Variants in KIAA1671 observed in about 807,000 individuals in gnomAD.
KIAA1671 encodes the protein uncharacterized protein KIAA1671.
A neutral mutation model predicts 131.2 loss-of-function variants in KIAA1671; 52 were observed. The observed-to-expected ratio is 0.40, with a 90% CI of 0.32 to 0.50. The LOEUF is 0.50. Among genes scored for constraint, KIAA1671 ranks in the 20% least tolerant of loss-of-function variants. The pLI, the probability that KIAA1671 is intolerant of heterozygous loss-of-function variation, is 0.73. For synonymous variants in KIAA1671, 1,003 were observed against 961.6 expected, an observed-to-expected ratio of 1.04 and a Z score of -0.80; for missense variants, 2,360 against 2,364.2, an observed-to-expected ratio of 1.00 and a Z score of 0.04.
intron 1 of KIAA1671, among the ~76,000 whole-genome samples, chr22:24,968,110 G>A (rs759869199): frequency 1.2e-4 from 18 of 152,196 alleles, no homozygotes; most frequent in Non-Finnish European, 2.5e-4. Context: ...GAAAGGCAGT[G>A]GTAATGCTTC....
chr22:25,153,266 G>T (rs1933109541), intron 6 of KIAA1671, among the ~76,000 whole-genome samples: 1 of 152,180 alleles, frequency 6.6e-6, no homozygotes, highest in Non-Finnish European at 1.5e-5. Flanking sequence ...CACTCCTGTT[G>T]AGACTGCACC....
intron 6 of KIAA1671, among the ~76,000 whole-genome samples, chr22:25,156,709 G>T (rs773437353): frequency 7.9e-5 from 12 of 152,134 alleles, no homozygotes; most frequent in African/African-American, 2.9e-4. Context: ...ACATGTATGT[G>T]TGGATCTGTG....
chr22:25,168,554 ATGG>A (rs1236431968), intron 6 of KIAA1671, among the ~76,000 whole-genome samples: 2 of 152,106 alleles, frequency 1.3e-5, no homozygotes, highest in Non-Finnish European at 2.9e-5. Flanking sequence ...TTAGCCAGGC[ATGG>A]TGGTGTGTGC....
chr22:25,021,112 G>A (rs1340584363), intron 1 of KIAA1671, among the ~76,000 whole-genome samples: 1 of 152,156 alleles, frequency 6.6e-6, no homozygotes, highest in Non-Finnish European at 1.5e-5. Context: ...TCATACAGGC[G>A]GGAGGGCTGT....
chr22:24,978,831 G>A (rs1923056676), intron 1 of KIAA1671, among the ~76,000 whole-genome samples: 1 of 151,346 alleles, frequency 6.6e-6, no homozygotes, highest in Admixed American at 6.6e-5. Context: ...CTACAGGCAT[G>A]CACCACCATG....
At chr22:25,104,955 AG>A (rs1354117602) in intron 6 of KIAA1671, among the ~76,000 whole-genome samples, 56 of 152,276 alleles carry the variant, frequency 3.7e-4, no homozygotes, top group Non-Finnish European at 1.6e-4. Flanking sequence ...GTAACTGTCC[AG>A]GGAATGTTTG....
chr22:25,151,903 T>C (rs1483244307), intron 6 of KIAA1671, among the ~76,000 whole-genome samples: 1 of 151,868 alleles, frequency 6.6e-6, no homozygotes, highest in African/African-American at 2.4e-5. Context: ...CACGCCCGGC[T>C]AGTTTTTGTA....
chr22:25,008,597 C>T (rs1408754823), intron 1 of KIAA1671, among the ~76,000 whole-genome samples: 1 of 152,182 alleles, frequency 6.6e-6, no homozygotes, highest in Non-Finnish European at 1.5e-5. Flanking sequence ...CCACATGGGC[C>T]AGTTGCCAAA....
At chr22:25,056,381 A>C (rs1467372360) in intron 6 of KIAA1671, 1 of 149,368 alleles carries the variant, frequency 6.7e-6, no homozygotes, top group Admixed American at 6.6e-5. Flanking sequence ...TACAGAAAAG[A>C]GCTCATATCC....
intron 11 of KIAA1671, among the ~76,000 whole-genome samples, chr22:25,188,233 A>G (rs1438716660): frequency 2.6e-5 from 4 of 152,302 alleles, no homozygotes; most frequent in South Asian, 4.1e-4. Flanking sequence ...CCCAGGAGGC[A>G]GAGCTTGCAG....
chr22:25,032,131 T>TC (rs1569211110), intron 3 of KIAA1671, among the ~76,000 whole-genome samples: 8 of 152,158 alleles, frequency 5.3e-5, no homozygotes, highest in Non-Finnish European at 1.5e-5. Context: ...CCACTACCCT[T>TC]CAGTCTGGGG....
At chr22:25,026,127 A>G (rs1178452862) in intron 2 of KIAA1671, among the ~76,000 whole-genome samples, 2 of 152,128 alleles carry the variant, frequency 1.3e-5, no homozygotes, top group African/African-American at 4.8e-5. Context: ...CAGTTTGGGG[A>G]GATGGAATCT....
intron 6 of KIAA1671, among the ~76,000 whole-genome samples, chr22:25,136,286 T>C (rs1932671706): frequency 6.6e-6 from 1 of 152,242 alleles, no homozygotes; most frequent in South Asian, 2.1e-4. Context: ...ATCAGCATTA[T>C]GATCCTTGCT....
At chr22:25,123,190 G>GTTTTTTTTTT (rs59051108) in intron 6 of KIAA1671, among the ~76,000 whole-genome samples, 1 of 63,376 alleles carries the variant, frequency 1.6e-5, no homozygotes, top group Admixed American at 1.9e-4. Flanking sequence ...CTGAGATGAG[G>GTTTTTTTTTT]TTTTTTTTTT....
At chr22:25,170,988 G>C (rs1319705589) in intron 7 of KIAA1671, 50 bp downstream of exon 7, 6 of 1,441,262 alleles carry the variant, frequency 4.2e-6, no homozygotes, top group South Asian at 1.2e-5. Flanking sequence ...AGCTGGGCTG[G>C]AGTTGCTGCA....
At chr22:24,993,319 C>T (rs1196318914) in intron 1 of KIAA1671, among the ~76,000 whole-genome samples, 1 of 152,174 alleles carries the variant, frequency 6.6e-6, no homozygotes, top group Non-Finnish European at 1.5e-5. Flanking sequence ...GCCTCAGAGT[C>T]CTGCAAGACC....
chr22:24,978,728 G>T (rs1923047456), intron 1 of KIAA1671, among the ~76,000 whole-genome samples: 1 of 152,174 alleles, frequency 6.6e-6, no homozygotes, highest in African/African-American at 2.4e-5. Context: ...CTGTCACCCA[G>T]GCTGGAATGC....
chr22:24,979,354 A>ATTTTTTTT, intron 1 of KIAA1671, among the ~76,000 whole-genome samples: 2 of 117,846 alleles, frequency 1.7e-5, no homozygotes, highest in East Asian at 2.5e-4. Context: ...TTATTTATTT[A>ATTTTTTTT]TTTATTTTTT....
chr22:25,087,044 C>G lies in KIAA1671; in HGVS notation c.4530+37680C>G, dbSNP rs567270155. On this transcript the variant is annotated intron_variant, in intron 6 of 12. Transcript: ENST00000358431. ...GCAACGGAACAGGGTTCAAATCTACCTCTTTGACTTCAAATTTAGAATCCA... is the reference window on the plus strand; with the variant it reads ...GCAACGGAACAGGGTTCAAATCTACGTCTTTGACTTCAAATTTAGAATCCA... Among the ~76,000 whole-genome samples, 13 of 152,262 alleles carry G rather than the reference C, an allele frequency of 8.5e-5. No individual in the cohort carries two copies. In the South Asian group the frequency reaches 2.7e-3, roughly 32 times the overall value.
Sources: gnomAD v4.1 joint callset for allele counts (sites outside exome capture counted in the v4.1 genomes callset) on GRCh38, gnomAD v4.1.1 for gene constraint, MANE v1.5 for transcripts, NCBI Gene and HGNC (gene_info 2026-07-23, HGNC 2026-07-21) for gene names.